CD53: variants seen among roughly 807,000 people sequenced by gnomAD.
CD53 encodes the protein CD53 molecule.
In CD53, 20 loss-of-function variants were observed where a neutral mutation model predicts 27.3. The observed-to-expected ratio is 0.73, with a 90% CI of 0.52 to 1.07. CD53 has a LOEUF of 1.07. Among genes scored for constraint, CD53 ranks in the 50% least tolerant of loss-of-function variants. The probability of loss-of-function intolerance (pLI) is 0.00; values close to 1 mark genes in which losing one functional copy is unlikely to be tolerated. For synonymous variants in CD53, 106 were observed against 105.3 expected (o/e 1.01, Z -0.04); for missense variants, 216 against 264.0 (o/e 0.82, Z 1.26).
At chr1:110,888,179 CT>C (rs1656706199) in intron 1 of CD53, among the ~76,000 whole-genome samples, 1 of 152,230 alleles carries the variant, frequency 6.6e-6, no homozygotes, top group Non-Finnish European at 1.5e-5. Flanking sequence ...TGAATGTATA[CT>C]TCTGACCTTC....
intron 5 of CD53, among the ~76,000 whole-genome samples, chr1:110,895,743 A>G (rs554783218): frequency 6.6e-6 from 1 of 152,124 alleles, no homozygotes; most frequent in South Asian, 2.1e-4. Flanking sequence ...TTATTACATA[A>G]TTTTTAGAAA....
At chr1:110,883,018 C>CT (rs370889249) in intron 1 of CD53, among the ~76,000 whole-genome samples, 1 of 151,784 alleles carries the variant, frequency 6.6e-6, no homozygotes, top group Non-Finnish European at 1.5e-5. Context: ...GCCAGTTTTA[C>CT]TTTTTTTTCT....
intron 5 of CD53, among the ~76,000 whole-genome samples, chr1:110,896,391 C>T (rs552313003): frequency 6.6e-6 from 1 of 152,292 alleles, no homozygotes; most frequent in East Asian, 1.9e-4. Flanking sequence ...CTCCATTATG[C>T]AGTCCCTGGG....
At chr1:110,878,430 T>C (rs1656212467) in intron 1 of CD53, among the ~76,000 whole-genome samples, 2 of 152,312 alleles carry the variant, frequency 1.3e-5, no homozygotes, top group South Asian at 4.1e-4. Flanking sequence ...AATCTGTATA[T>C]AGAGAAATGT....
At chr1:110,898,803 T>C (rs1468573012) in intron 7 of CD53, among the ~76,000 whole-genome samples, 2 of 152,180 alleles carry the variant, frequency 1.3e-5, no homozygotes, top group African/African-American at 4.8e-5. Flanking sequence ...GCACAGAGCA[T>C]GGATAGAGAT....
chr1:110,877,858 A>G (rs1166023245), intron 1 of CD53, among the ~76,000 whole-genome samples: 1 of 152,196 alleles, frequency 6.6e-6, no homozygotes, highest in Non-Finnish European at 1.5e-5. Flanking sequence ...TTACTCTTCA[A>G]AAGGACGTAC....
intron 4 of CD53, 36 bp from the exon 5 acceptor site, chr1:110,894,924 T>C: frequency 6.5e-7 from 1 of 1,532,408 alleles, no homozygotes; most frequent in Non-Finnish European, 9.0e-7. Flanking sequence ...CACCTGCTTT[T>C]TACCATGTCT....
In CD53 at chr1:110,899,299, A is replaced by T. The variant is rs975037371; in HGVS notation, c.*104A>T. On this transcript the variant is annotated 3_prime_UTR_variant, in exon 8 of 8. Coordinates refer to ENST00000271324, the MANE Select transcript of CD53 (RefSeq NM_000560.4). ...ATCACTGCAGGATGATCCTCCTCCC[A>T]TCCTTTCCCTTTTTAGGTCCCTGTC... 5.1e-6 allele frequency: 4 copies of T among 788,092 alleles called. No individual in the cohort carries two copies. The African/African-American group carries it at 6.8e-5, about 13-fold the overall frequency. 48.8% of individuals were successfully genotyped at this position (788,092 alleles called of 1,614,324 possible).
chr1:110,887,113 T>C (rs576898624), intron 1 of CD53, among the ~76,000 whole-genome samples: 33 of 151,242 alleles, frequency 2.2e-4, no homozygotes, highest in African/African-American at 8.0e-4. Flanking sequence ...ACCCAGGCTG[T>C]AGTGCAGTGG....
At chr1:110,894,117 G>T (rs1656962908) in intron 3 of CD53, among the ~76,000 whole-genome samples, 1 of 152,210 alleles carries the variant, frequency 6.6e-6, no homozygotes, top group African/African-American at 2.4e-5. Flanking sequence ...GTAGGAGAGA[G>T]CAAAGAAGAC....
At chr1:110,871,743 G>A (rs1367056627), upstream of CD53, among the ~76,000 whole-genome samples, 8 of 151,658 alleles carry the variant, frequency 5.3e-5, no homozygotes, top group African/African-American at 1.9e-4. Context: ...GATTCCAGCC[G>A]AGGTGCAGAG....
At chr1:110,879,781 T>C (rs1205581879) in intron 1 of CD53, among the ~76,000 whole-genome samples, 1 of 152,144 alleles carries the variant, frequency 6.6e-6, no homozygotes, top group Non-Finnish European at 1.5e-5. Context: ...TTGTTCAGGC[T>C]GGTCTTAAAC....
intron 1 of CD53, among the ~76,000 whole-genome samples, chr1:110,886,869 A>ATATATATATATATATATT (rs1298376721): frequency 9.7e-5 from 8 of 82,782 alleles, no homozygotes; most frequent in South Asian, 4.3e-4. Context: ...ATATATATAT[A>ATATATATATATATATATT]TTTTTTTTTT....
chr1:110,896,801 C>A, intron 6 of CD53, 68 bp downstream of exon 6: 3 of 1,368,976 alleles, frequency 2.2e-6, no homozygotes, highest in Middle Eastern at 1.8e-4. Flanking sequence ...TCGGAAACTG[C>A]AGTCATAGAG....
chr1:110,875,046 C>T (rs1045186695), intron 1 of CD53, among the ~76,000 whole-genome samples: 1 of 152,178 alleles, frequency 6.6e-6, no homozygotes, highest in Non-Finnish European at 1.5e-5. Context: ...AGATGGAGAA[C>T]GTGCACAAAC....
chr1:110,879,873 G>T (rs548765571), intron 1 of CD53, among the ~76,000 whole-genome samples: 1 of 152,124 alleles, frequency 6.6e-6, no homozygotes, highest in Non-Finnish European at 1.5e-5. Flanking sequence ...GAGCCTGATC[G>T]AGGTTCTTGA....
chr1:110,878,879 G>T (rs181440273), intron 1 of CD53, among the ~76,000 whole-genome samples: 1 of 152,034 alleles, frequency 6.6e-6, no homozygotes, highest in Non-Finnish European at 1.5e-5. Flanking sequence ...TCTATTAAAC[G>T]CTTTTCTTCA....
chr1:110,876,480 A>G (rs1056102416), intron 1 of CD53, among the ~76,000 whole-genome samples: 20 of 152,190 alleles, frequency 1.3e-4, no homozygotes, highest in Admixed American at 7.2e-4. Flanking sequence ...TTATTTTCCA[A>G]ACCTTTTTGT....
In CD53 at chr1:110,892,465, A is replaced by C; in HGVS notation, c.184A>C (p.Ile62Leu). The change falls in exon 3 of 8, where the codon ATT becomes CTT. Residue 62 changes from isoleucine to leucine, a missense_variant. Coordinates refer to ENST00000271324, the MANE Select transcript of CD53 (RefSeq NM_000560.4). ...LGNVFVIVGS[I>L]IMVVAFLGCM... ...CAATGTGTTTGTCATCGTGGGCTCT[A>C]TTATCATGGTAGTTGCCTTCCTGGG... The C allele has an allele frequency of 6.2e-7, 1 of 1,613,932 alleles. No individual in the cohort carries two copies. The highest frequency in any genetic ancestry group is 8.5e-7 in the Non-Finnish European group (1 of 1,179,950).
Sources: gnomAD v4.1 joint callset for allele counts (sites outside exome capture counted in the v4.1 genomes callset) on GRCh38, gnomAD v4.1.1 for gene constraint, MANE v1.5 for transcripts, NCBI Gene and HGNC (gene_info 2026-07-23, HGNC 2026-07-21) for gene names.